Variants in PPARA observed in about 807,000 individuals in gnomAD.
PPARA encodes the protein peroxisome proliferator activated receptor alpha, also known as peroxisome proliferator-activated receptor alpha.
In PPARA, 22 loss-of-function variants were observed where a neutral mutation model predicts 42.2. The ratio of observed to expected loss-of-function variants is 0.52; its 90% confidence interval spans 0.37 to 0.74. The LOEUF is 0.74. PPARA is among the 30% of genes least tolerant of loss of function. PPARA has a pLI of 0.00. For synonymous variants in PPARA, 242 were observed against 239.3 expected (o/e 1.01, Z -0.10); for missense variants, 465 against 608.2 (o/e 0.76, Z 2.48).
rs1927758727 is a variant in PPARA at position 46,170,121 on chromosome 22, T to TC, written c.-126-6632_-126-6631insC. 2.6e-5 allele frequency among the ~76,000 whole-genome samples: 4 copies of TC among 151,978 alleles called. No individual in the cohort carries two copies. In the South Asian group the frequency reaches 8.3e-4, roughly 31 times the overall value. ...AGTTGCATTCATCTTTGTTTTTTTT[T>TC]TTTAGAAAAACATTTGTTCTGCAAC... On this transcript the variant is annotated intron_variant, in intron 2 of 8. Transcript: ENST00000407236.
Position 46,150,751 on chromosome 22 carries a change from G to A in PPARA, c.-210+99G>A, listed in dbSNP as rs1924275428. On this transcript the variant is annotated intron_variant, in intron 1 of 8. Coordinates refer to ENST00000407236, the MANE Select transcript of PPARA (RefSeq NM_005036.6). The surrounding 1 kb of genome is among the most constrained non-coding windows in gnomAD (Gnocchi z 7.5). ...GACCCGGAGGGCGGCGGACGGGGGA[G>A]GGGCAGGGGCTGGGCGGCGCATGCG... 1 of 150,832 alleles carries A rather than the reference G, an allele frequency of 6.6e-6. No homozygotes were observed. Among genetic ancestry groups the A allele is most frequent in the Admixed American group, 6.6e-5 (1 of 15,160 alleles). The allele number at this position is 150,832 out of a possible 1,614,324, so 9.3% of individuals were successfully genotyped here.
In PPARA at chr22:46,219,982, G is replaced by A. The variant is rs1395366370; in HGVS notation, c.679G>A (p.Val227Ile). 1 of 1,614,188 alleles carries A rather than the reference G, an allele frequency of 6.2e-7. No individual in the cohort carries two copies. Among genetic ancestry groups the A allele is most frequent in the East Asian group, 2.2e-5 (1 of 44,896 alleles). ...CAACATGAACAAGGTCAAAGCCCGGGTCATCCTCTCAGGAAAGGCCAGTAA... is the reference window on the plus strand; with the variant it reads ...CAACATGAACAAGGTCAAAGCCCGGATCATCCTCTCAGGAAAGGCCAGTAA... ...NFNMNKVKAR[V>I]ILSGKASNNP... The change falls in exon 7 of 9, where the codon GTC (valine) becomes ATC (isoleucine). Residue 227 changes from valine to isoleucine, a missense_variant. Transcript: ENST00000407236. The surrounding 1 kb of genome is among the most constrained non-coding windows in gnomAD (Gnocchi z 4.8).
At chr22:46,215,113 G>A (rs370210383) in intron 4 of PPARA, 60 bp from the exon 5 acceptor site, 16 of 1,584,402 alleles carry the variant, frequency 1.0e-5, no homozygotes, top group Non-Finnish European at 1.4e-5. Flanking sequence ...TCATAGACCC[G>A]GTTCAGACAC....
chr22:46,177,304 A>T (rs1028076791), intron 3 of PPARA, among the ~76,000 whole-genome samples: 1 of 152,036 alleles, frequency 6.6e-6, no homozygotes, highest in African/African-American at 2.4e-5. Context: ...TAATCCCAAC[A>T]TTATGTCTAT....
At chr22:46,177,697 G>A (rs530691883) in intron 3 of PPARA, among the ~76,000 whole-genome samples, 25 of 151,640 alleles carry the variant, frequency 1.6e-4, no homozygotes, top group South Asian at 8.4e-4. Context: ...GCATGTACCC[G>A]ATGAGACAGA....
At chr22:46,213,050 T>C (rs1934090427) in intron 4 of PPARA, among the ~76,000 whole-genome samples, 1 of 152,094 alleles carries the variant, frequency 6.6e-6, no homozygotes, top group African/African-American at 2.4e-5. Context: ...TGGACAGAAG[T>C]TTTCAAATCA....
Position 46,181,535 on chromosome 22 carries a change from G to A in PPARA, c.-43+4699G>A, listed in dbSNP as rs190866513. ...GCATCGAAACCCACTCCTCTGGGGT[G>A]CATGTTAAAGAATTTTAAGAAAGGT... On this transcript the variant is annotated intron_variant, in intron 3 of 8. Transcript: ENST00000407236. Among the ~76,000 whole-genome samples the A allele has an allele frequency of 3.3e-3, 502 of 152,278 alleles. 1 individual carries two copies. Among genetic ancestry groups the A allele is most frequent in the South Asian group, 0.02 (97 of 4,830 alleles).
rs924697120 is a variant in PPARA at position 46,240,692 on chromosome 22, T to C, written c.*5312T>C. ...GTCCACAGGAGGTTTGTCTCAACAC[T>C]TCCCATTTTTACGGCATTGGCATTG... On this transcript the variant is annotated 3_prime_UTR_variant, in exon 9 of 9. Transcript: ENST00000407236. The surrounding 1 kb of genome is among the most constrained non-coding windows in gnomAD (Gnocchi z 6.0). 6.4e-6 allele frequency: 1 copy of C among 155,632 alleles called. No individual in the cohort carries two copies. The highest frequency in any genetic ancestry group is 2.4e-5 in the African/African-American group (1 of 41,628). 9.6% of individuals were successfully genotyped at this position (155,632 alleles called of 1,614,324 possible). A position where few individuals can be genotyped will look rare whatever the true frequency, so the allele number is the denominator to read the frequency against.
At position 46,231,744 on chromosome 22, in the gene PPARA, A is replaced by G. The variant is rs41461946; in HGVS notation, c.712-48A>G. ...CATTAGTGAGCTGATAGCTGGGAGC[A>G]TAGCGCATCCCACATCACCTGACTT... On this transcript the variant is annotated intron_variant, in intron 7 of 8. Transcript: ENST00000407236. The surrounding 1 kb of genome is among the most constrained non-coding windows in gnomAD (Gnocchi z 7.7). The G allele has an allele frequency of 1.3e-6, 2 of 1,554,106 alleles. No homozygotes were observed. Among genetic ancestry groups the G allele is most frequent in the Admixed American group, 3.4e-5 (2 of 57,994 alleles).
In PPARA at chr22:46,160,776, T is replaced by C. The variant is rs1569183962; in HGVS notation, c.-127+8806T>C. Among the ~76,000 whole-genome samples, 1 of 152,140 alleles carries C rather than the reference T, an allele frequency of 6.6e-6. No individual in the cohort carries two copies. Among genetic ancestry groups the C allele is most frequent in the African/African-American group, 2.4e-5 (1 of 41,420 alleles). ...CCACCACACCCAACTAGATTTTGTG[T>C]TTTTTGTAGAGATGGGGTTTAGCCA... On this transcript the variant is annotated intron_variant, in intron 2 of 8. Coordinates refer to ENST00000407236, the MANE Select transcript of PPARA (RefSeq NM_005036.6). The surrounding 1 kb of genome is among the most constrained non-coding windows in gnomAD (Gnocchi z 4.5).
At position 46,195,335 on chromosome 22, in the gene PPARA, GA is replaced by G. The variant is rs531861015; in HGVS notation, c.-42-2999del. 6.6e-6 allele frequency among the ~76,000 whole-genome samples: 1 copy of G among 151,824 alleles called. No homozygotes were observed. The highest frequency in any genetic ancestry group is 1.5e-5 in the Non-Finnish European group (1 of 67,960). On this transcript the variant is annotated intron_variant, in intron 3 of 8. Coordinates refer to ENST00000407236, the MANE Select transcript of PPARA (RefSeq NM_005036.6). This position sits in a 1 kb window ranked among gnomAD's most constrained non-coding sequence, Gnocchi z 4.6. ...TACCCCATTATGTTTCTTGTCATTT[GA>G]AAAAAAATCTCCCTTCAGACAGAAT...
chr22:46,185,914 AAAATATATATATAT>A lies in PPARA; in HGVS notation c.-43+9080_-43+9093del, dbSNP rs1569207558. Among the ~76,000 whole-genome samples, 49 of 49,576 alleles carry A rather than the reference AAAATATATATATAT, an allele frequency of 9.9e-4. 5 individuals are homozygous for A. Among genetic ancestry groups the A allele is most frequent in the African/African-American group, 5.0e-3 (49 of 9,778 alleles). The allele number at this position is 49,576 out of a possible 152,430, so 32.5% of individuals were successfully genotyped here. On this transcript the variant is annotated intron_variant, in intron 3 of 8. Coordinates refer to ENST00000407236, the MANE Select transcript of PPARA (RefSeq NM_005036.6). ...CGTCTCCAAAAAAAAAAAAAAAAAA[AAAATATATATATAT>A]ATATATATATATATATATATATATA...
At chr22:46,223,973 T>C (rs60610697) in intron 7 of PPARA, among the ~76,000 whole-genome samples, 1 of 147,554 alleles carries the variant, frequency 6.8e-6, no homozygotes, top group East Asian at 2.0e-4. Flanking sequence ...AAGAAAGAAA[T>C]GATAGATGAA....
rs2147105893 is a variant in PPARA, at chr22:46,156,926, T to G, written c.-127+4956T>G. 6.6e-6 allele frequency among the ~76,000 whole-genome samples: 1 copy of G among 152,258 alleles called. No individual in the cohort carries two copies. Among genetic ancestry groups the G allele is most frequent in the South Asian group, 2.1e-4 (1 of 4,818 alleles). On this transcript the variant is annotated intron_variant, in intron 2 of 8. Transcript: ENST00000407236. The surrounding 1 kb of genome is among the most constrained non-coding windows in gnomAD (Gnocchi z 5.2). ...CTCCTGTGTGTTTTGAAGGTGATTG[T>G]GACCTCAGGTTTTGGCAGGGCTATA...
intron 4 of PPARA, among the ~76,000 whole-genome samples, chr22:46,206,635 A>G (rs1246424257): frequency 6.6e-6 from 1 of 152,198 alleles, no homozygotes; most frequent in Non-Finnish European, 1.5e-5. Context: ...GTAATGTTTC[A>G]CATAATTTTA....
chr22:46,198,309 T>A, intron 3 of PPARA, 33 bp from the exon 4 acceptor site: 1 of 1,148,606 alleles, frequency 8.7e-7, no homozygotes, highest in Non-Finnish European at 1.3e-6. Flanking sequence ...TTGTTATACG[T>A]CAGTCTTACC....
In PPARA at chr22:46,242,348, A is replaced by G. The variant is rs1936394878; in HGVS notation, c.*6968A>G. The G allele has an allele frequency of 6.6e-6, 1 of 152,600 alleles. No individual in the cohort carries two copies. The highest frequency in any genetic ancestry group is 1.9e-4 in the East Asian group (1 of 5,190). 9.5% of individuals were successfully genotyped at this position (152,600 alleles called of 1,614,324 possible). ...TGACTGGCCGATCATTTCACAATAA[A>G]ATCACTCACTTTTGGCAACTTCACT... is the stretch of plus-strand genomic sequence containing the variant. On this transcript the variant is annotated 3_prime_UTR_variant, in exon 9 of 9. Coordinates refer to ENST00000407236, the MANE Select transcript of PPARA (RefSeq NM_005036.6). This position sits in a 1 kb window ranked among gnomAD's most constrained non-coding sequence, Gnocchi z 6.1.
chr22:46,152,132 ATTTTTTTT>A (rs780789203), intron 2 of PPARA, among the ~76,000 whole-genome samples, 162 bp downstream of exon 2: 45 of 104,678 alleles, frequency 4.3e-4, no homozygotes, highest in African/African-American at 1.4e-3. Flanking sequence ...GCATGGATTC[ATTTTTTTT>A]TTTTTTTTTT....
intron 3 of PPARA, among the ~76,000 whole-genome samples, chr22:46,179,538 C>T (rs1286281363): frequency 2.0e-5 from 3 of 151,906 alleles, no homozygotes; most frequent in Non-Finnish European, 4.4e-5. Context: ...TGACCCATGC[C>T]TCATGCCATA....
Sources: allele counts gnomAD v4.1 joint callset (sites outside exome capture counted in the v4.1 genomes callset), GRCh38; gene constraint gnomAD v4.1.1; non-coding constraint Gnocchi (gnomAD v3.1); transcripts MANE v1.5; gene names NCBI Gene and HGNC (gene_info 2026-07-23, HGNC 2026-07-21).